The following PRKD3 variants were observed in gnomAD, a reference collection of about 807,000 sequenced individuals.
The protein encoded by PRKD3 is protein kinase D3.
In PRKD3, 47 loss-of-function variants were observed where a neutral mutation model predicts 99.2. That is an observed-to-expected ratio of 0.47 (90% CI 0.38 to 0.60). PRKD3 has a LOEUF of 0.60. Among genes scored for constraint, PRKD3 ranks in the 20% least tolerant of loss-of-function variants. The probability of loss-of-function intolerance (pLI) is 0.00; values close to 1 mark genes in which losing one functional copy is unlikely to be tolerated. For synonymous variants in PRKD3, 392 were observed against 355.4 expected (o/e 1.10, Z -1.16); for missense variants, 1,019 against 1,088.4 (o/e 0.94, Z 0.90).
chr2:37,301,364 C>T (rs1387658377), intron 2 of PRKD3, among the ~76,000 whole-genome samples: 1 of 148,028 alleles, frequency 6.8e-6, no homozygotes, highest in African/African-American at 2.7e-5. Flanking sequence ...AGGAGAAGAG[C>T]CTTTTTTTTT....
chr2:37,267,809 T>C, intron 13 of PRKD3: 1 of 349,758 alleles, frequency 2.9e-6, no homozygotes, highest in Non-Finnish European at 5.2e-6. Context: ...CCTTGTTAAA[T>C]CAATGATAGT....
chr2:37,304,611 G>A (rs550048517), intron 2 of PRKD3, among the ~76,000 whole-genome samples: 20 of 151,820 alleles, frequency 1.3e-4, no homozygotes, highest in East Asian at 3.9e-4. Context: ...GCATGGTGGC[G>A]GGCACCTGTA....
chr2:37,256,425 A>G lies in PRKD3; in HGVS notation c.2413+237T>C, dbSNP rs555850517. On this transcript the variant is annotated intron_variant, in intron 17 of 18. Transcript: ENST00000234179. Reference sequence around the variant, plus strand: ...AAAAAGATATTTTAGTGGTTTGACAATGAGGCCACTGGGGCCTATGTAAGT... The same window carrying G: ...AAAAAGATATTTTAGTGGTTTGACAGTGAGGCCACTGGGGCCTATGTAAGT... Among the ~76,000 whole-genome samples the G allele has an allele frequency of 3.3e-5, 5 of 152,320 alleles. No individual in the cohort carries two copies. In the East Asian group the frequency reaches 7.7e-4, roughly 24 times the overall value.
Position 37,259,679 on chromosome 2 carries a change from T to C in PRKD3, c.2049A>G (p.Ile683Met), listed in dbSNP as rs1330117700. 1 of 1,604,642 alleles carries C rather than the reference T, an allele frequency of 6.2e-7. No homozygotes were observed. Among genetic ancestry groups the C allele is most frequent in the Non-Finnish European group, 8.5e-7 (1 of 1,172,542 alleles). The change falls in exon 16 of 19, where the codon ATA becomes ATG. Residue 683 changes from isoleucine to methionine, a missense_variant and splice_region_variant. This residue lies in a region of PRKD3 where 184 missense variants were observed against 275.1 expected (regional missense o/e 0.67). Transcript: ENST00000234179. ...AATGCAGATTCCTCAAAGCAACAAG[T>C]ATCTGTTATGAAAAAAGATTTTCTT... is the stretch of plus-strand genomic sequence containing the variant. ...ERITKFMVTQ[I>M]LVALRNLHFK...
At chr2:37,305,489 T>C (rs1461552342) in intron 2 of PRKD3, among the ~76,000 whole-genome samples, 1 of 152,218 alleles carries the variant, frequency 6.6e-6, no homozygotes, top group African/African-American at 2.4e-5. Context: ...AGGAGCATTA[T>C]AGTGGTATCT....
intron 14 of PRKD3, among the ~76,000 whole-genome samples, chr2:37,261,953 A>T (rs1002608785): frequency 2.6e-5 from 4 of 152,202 alleles, no homozygotes; most frequent in Non-Finnish European, 5.9e-5. Context: ...GATATTCAAC[A>T]CATTAGTGTA....
chr2:37,284,586 G>T (rs1572662433), intron 6 of PRKD3, among the ~76,000 whole-genome samples: 1 of 152,090 alleles, frequency 6.6e-6, no homozygotes, highest in African/African-American at 2.4e-5. Flanking sequence ...CTCAGTGGCT[G>T]CTTGCCAATA....
rs201113410 is a variant in PRKD3, at chr2:37,272,991, AG to A, written c.1652-560del. Among the ~76,000 whole-genome samples, 399 of 66,198 alleles carry A rather than the reference AG, an allele frequency of 6.0e-3. 3 individuals carry two copies. Among genetic ancestry groups the A allele is most frequent in the East Asian group, 0.051 (116 of 2,266 alleles). 43.4% of individuals were successfully genotyped at this position (66,198 alleles called of 152,430 possible). ...CGAGACCCTGTCTCTTGGTGGGGGG[AG>A]GGGGGGAAGTGGAGTCAAGGGAATT... On this transcript the variant is annotated intron_variant, in intron 11 of 18. Transcript: ENST00000234179.
chr2:37,297,521 G>T (rs1189961329), intron 2 of PRKD3, among the ~76,000 whole-genome samples: 5 of 151,952 alleles, frequency 3.3e-5, no homozygotes, highest in Non-Finnish European at 7.4e-5. Context: ...ACTTTATTCA[G>T]ATTTCCTTAT....
chr2:37,256,873 T>C lies in PRKD3; in HGVS notation c.2202A>G (p.Arg734=), dbSNP rs1336600690. 18 of 1,613,782 alleles carry C rather than the reference T, an allele frequency of 1.1e-5. No individual in the cohort carries two copies. The highest frequency in any genetic ancestry group is 1.5e-5 in the Non-Finnish European group (18 of 1,179,946). Residue 734 remains arginine, a synonymous_variant, in exon 17 of 19, where the codon AGA becomes AGG. Transcript: ENST00000234179. ...ARIIGEKSFR[R]SVVGTPAYLA... is the part of the protein sequence containing the mutation. ...AGTATGCTGGAGTTCCTACCACAGA[T>C]CTCCTGAATGACTTTTCACCAATGA...
chr2:37,316,972 C>G lies in PRKD3; in HGVS notation c.-448G>C, dbSNP rs1671694490. 5.2e-5 allele frequency: 51 copies of G among 989,528 alleles called. No individual in the cohort carries two copies. Among genetic ancestry groups the G allele is most frequent in the Non-Finnish European group, 6.0e-5 (50 of 832,712 alleles). 61.3% of individuals were successfully genotyped at this position (989,528 alleles called of 1,614,324 possible). ...AGTAAGTGTTTTGGATTAATCTATT[C>G]AGTACTTTTCCTTTGGTTTACTAAT... On this transcript the variant is annotated 5_prime_UTR_variant, in exon 2 of 19. Transcript: ENST00000234179.
intron 6 of PRKD3, among the ~76,000 whole-genome samples, chr2:37,284,239 A>G (rs1558552963): frequency 6.6e-6 from 1 of 152,188 alleles, no homozygotes; most frequent in African/African-American, 2.4e-5. Flanking sequence ...TCATACTATT[A>G]AAATAGGGAA....
chr2:37,262,899 C>CG lies in PRKD3; in HGVS notation c.1885-2516_1885-2515insC, dbSNP rs909719531. ...GCAAAGTATCCTAAGATTCCTTCCC[C>CG]CCCCCGTATTTGTGGTTATCTCCCT... On this transcript the variant is annotated intron_variant, in intron 14 of 18. Transcript: ENST00000234179. Among the ~76,000 whole-genome samples, 6 of 147,364 alleles carry CG rather than the reference C, an allele frequency of 4.1e-5. No homozygotes were observed. The East Asian group carries it at 7.2e-4, about 18-fold the overall frequency.
intron 14 of PRKD3, among the ~76,000 whole-genome samples, chr2:37,266,300 G>T (rs1031324675): frequency 6.6e-6 from 1 of 152,148 alleles, no homozygotes; most frequent in Non-Finnish European, 1.5e-5. Context: ...TTCACCCAAA[G>T]CAAATGGGGC....
In PRKD3 at chr2:37,282,932, CAT is replaced by C. The variant is rs547928156; in HGVS notation, c.911-315_911-314del. ...TCAAGCTGATTAAATTCCTATCCAA[CAT>C]ATGTCAGATACATACTTTCAATTCC... On this transcript the variant is annotated intron_variant, in intron 6 of 18. Transcript: ENST00000234179. Among the ~76,000 whole-genome samples the C allele has an allele frequency of 1.7e-3, 252 of 152,286 alleles. 1 individual carries two copies. Among genetic ancestry groups the C allele is most frequent in the Non-Finnish European group, 2.5e-3 (168 of 68,026 alleles).
chr2:37,268,183 G>A (rs1668972104), intron 13 of PRKD3: 1 of 378,976 alleles, frequency 2.6e-6, no homozygotes, highest in Non-Finnish European at 5.3e-6. Context: ...TATCTGACTT[G>A]CTCTTCTCTA....
At chr2:37,277,779 C>T (rs1235100680) in intron 9 of PRKD3, 87 bp downstream of exon 9, 7 of 1,403,638 alleles carry the variant, frequency 5.0e-6, no homozygotes, top group Non-Finnish European at 6.8e-6. Flanking sequence ...TAATATGTAT[C>T]TCATCATCAT....
intron 6 of PRKD3, among the ~76,000 whole-genome samples, chr2:37,283,245 T>C (rs1669936457): frequency 6.6e-6 from 1 of 152,176 alleles, no homozygotes; most frequent in Admixed American, 6.5e-5. Flanking sequence ...TTGTTAGAAA[T>C]GCAAATTCTT....
chr2:37,259,536 T>C (rs1398646161), intron 16 of PRKD3, 47 bp downstream of exon 16: 3 of 1,453,126 alleles, frequency 2.1e-6, no homozygotes, highest in East Asian at 2.3e-5. Flanking sequence ...GTGGGTGCTT[T>C]GAAAATGTTG....
Sources: allele counts gnomAD v4.1 joint callset (sites outside exome capture counted in the v4.1 genomes callset), GRCh38; gene constraint gnomAD v4.1.1; regional missense constraint gnomAD v4.1.1; transcripts MANE v1.5; gene names NCBI Gene and HGNC (gene_info 2026-07-23, HGNC 2026-07-21).